Variants in LRBA observed in about 807,000 individuals in gnomAD.
LRBA encodes the protein LPS responsive beige-like anchor protein, also known as lipopolysaccharide-responsive and beige-like anchor protein.
A neutral mutation model predicts 330.0 loss-of-function variants in LRBA; 176 were observed. The ratio of observed to expected loss-of-function variants is 0.53; its 90% CI spans 0.47 to 0.60. The LOEUF (loss-of-function observed/expected upper bound fraction) is 0.60, where lower values mean the gene tolerates loss of function less well. LRBA is among the 20% of genes least tolerant of loss of function. The pLI is 0.00. For missense variants in LRBA, 3,259 were observed against 3,444.8 expected (o/e 0.95, Z 1.35); for synonymous variants, 1,230 against 1,193.0 (o/e 1.03, Z -0.64).
rs186014149 is a variant in LRBA at position 150,349,601 on chromosome 4, T to C, written c.7362+391A>G. ...CCATTAACTTCTATGTGGTTATATATGTTCTTAGGTATTACATATAAATAT... is the reference window on the plus strand; with the variant it reads ...CCATTAACTTCTATGTGGTTATATACGTTCTTAGGTATTACATATAAATAT... On this transcript the variant is annotated intron_variant, in intron 48 of 56. Coordinates refer to ENST00000651943, the MANE Select transcript of LRBA (RefSeq NM_001364905.1). Among the ~76,000 whole-genome samples the C allele has an allele frequency of 4.9e-4, 74 of 152,324 alleles. 1 individual carries two copies. The East Asian group carries it at 0.013, about 26-fold the overall frequency.
At chr4:150,728,108 A>G (rs1729945724) in intron 36 of LRBA, among the ~76,000 whole-genome samples, 2 of 152,202 alleles carry the variant, frequency 1.3e-5, no homozygotes, top group Admixed American at 6.5e-5. Context: ...TGGAAAATCT[A>G]GAAGAAATGG....
chr4:150,919,578 A>G (rs541466967), intron 5 of LRBA, among the ~76,000 whole-genome samples: 73 of 152,330 alleles, frequency 4.8e-4, no homozygotes, highest in Non-Finnish European at 8.7e-4. Flanking sequence ...CATTAATGCA[A>G]AAATGAACGT....
intron 51 of LRBA, chr4:150,314,666 C>T (rs1161584471): frequency 1.3e-5 from 2 of 152,148 alleles, no homozygotes; most frequent in African/African-American, 2.4e-5. Context: ...GATAGCATTA[C>T]ACCACAGGTA....
chr4:150,668,156 C>G (rs770912558), intron 37 of LRBA, among the ~76,000 whole-genome samples: 16 of 152,148 alleles, frequency 1.1e-4, no homozygotes, highest in Non-Finnish European at 2.1e-4. Flanking sequence ...ATATAAAAGG[C>G]AGTACACTAA....
chr4:150,722,312 T>C (rs1475548284), intron 36 of LRBA, among the ~76,000 whole-genome samples: 2 of 152,224 alleles, frequency 1.3e-5, no homozygotes, highest in Non-Finnish European at 2.9e-5. Context: ...AAGCCCCTTG[T>C]GGAAAAAGAA....
intron 48 of LRBA, 74 bp downstream of exon 48, chr4:150,349,918 G>C (rs1205877560): frequency 3.9e-6 from 5 of 1,271,428 alleles, no homozygotes; most frequent in Non-Finnish European, 5.6e-6. Context: ...CAAAGGATGG[G>C]GGAGGTGTTC....
At chr4:150,476,696 C>G (rs760919016) in intron 42 of LRBA, among the ~76,000 whole-genome samples, 3 of 152,134 alleles carry the variant, frequency 2.0e-5, no homozygotes, top group Non-Finnish European at 4.4e-5. Flanking sequence ...TGCCTGAAAA[C>G]AAGTGATAGG....
At chr4:150,400,158 T>C (rs1745276782) in intron 47 of LRBA, among the ~76,000 whole-genome samples, 1 of 152,178 alleles carries the variant, frequency 6.6e-6, no homozygotes, top group East Asian at 1.9e-4. Context: ...AGCAGGTAAA[T>C]TGTGAAGATC....
intron 40 of LRBA, among the ~76,000 whole-genome samples, chr4:150,542,911 T>G (rs1765461800): frequency 6.6e-6 from 1 of 152,154 alleles, no homozygotes. Flanking sequence ...TTAGATAGTC[T>G]GGTGGTACTA....
At chr4:150,598,706 T>C (rs950889395) in intron 38 of LRBA, among the ~76,000 whole-genome samples, 2 of 152,194 alleles carry the variant, frequency 1.3e-5, no homozygotes, top group African/African-American at 4.8e-5. Flanking sequence ...CCTCCTGGAT[T>C]CATTTACTCA....
chr4:150,658,923 T>G (rs545667931), intron 37 of LRBA, among the ~76,000 whole-genome samples: 4,243 of 36,418 alleles, frequency 0.12, 680 homozygotes, highest in African/African-American at 0.19. Context: ...TTCGCTGTGT[T>G]GGCCGGGCCG....
At chr4:150,499,416 G>A (rs1168472535) in intron 40 of LRBA, among the ~76,000 whole-genome samples, 2 of 152,130 alleles carry the variant, frequency 1.3e-5, no homozygotes, top group Non-Finnish European at 2.9e-5. Flanking sequence ...GCTGAGGCAG[G>A]AGGATCACTT....
intron 2 of LRBA, among the ~76,000 whole-genome samples, chr4:151,003,453 T>C (rs146535177): frequency 2.2e-4 from 30 of 136,540 alleles, no homozygotes; most frequent in African/African-American, 7.9e-4. Flanking sequence ...AAAAAGCCAA[T>C]AGTCAAAGGA....
intron 48 of LRBA, among the ~76,000 whole-genome samples, chr4:150,346,349 T>G (rs1736302812): frequency 6.6e-6 from 1 of 152,024 alleles, no homozygotes; most frequent in African/African-American, 2.4e-5. Flanking sequence ...GACTATCAGT[T>G]AAGGCTTAAT....
In LRBA at chr4:150,487,779, A is replaced by G. The variant is rs1185953257; in HGVS notation, c.6504T>C (p.Tyr2168=). ...DPATVKKVVN[Y]LPRVGVGTSF... Reference sequence around the variant, plus strand: ...TTGTTCCAACGCCAACACGAGGTAGATAGTTAACCACTTTCTTTACTGTTG... The same window carrying G: ...TTGTTCCAACGCCAACACGAGGTAGGTAGTTAACCACTTTCTTTACTGTTG... Residue 2168 remains tyrosine, a synonymous_variant, in exon 42 of 57, where the codon TAT becomes TAC. Coordinates refer to ENST00000651943, the MANE Select transcript of LRBA (RefSeq NM_001364905.1). 6 of 1,598,870 alleles carry G rather than the reference A, an allele frequency of 3.8e-6. No homozygotes were observed. Among genetic ancestry groups the G allele is most frequent in the Non-Finnish European group, 5.1e-6 (6 of 1,169,274 alleles).
chr4:150,815,619 T>C (rs957191727), intron 31 of LRBA, among the ~76,000 whole-genome samples: 5 of 151,902 alleles, frequency 3.3e-5, no homozygotes, highest in African/African-American at 4.8e-5. Flanking sequence ...CCATCGCAGC[T>C]TTTGGTTTCA....
chr4:150,756,936 CT>C (rs1406533741), intron 35 of LRBA, among the ~76,000 whole-genome samples: 1 of 152,078 alleles, frequency 6.6e-6, no homozygotes, highest in African/African-American at 2.4e-5. Context: ...AACAGAGGTG[CT>C]GATAATAATG....
intron 2 of LRBA, among the ~76,000 whole-genome samples, chr4:150,986,354 T>C (rs1741464414): frequency 6.6e-6 from 1 of 152,126 alleles, no homozygotes; most frequent in African/African-American, 2.4e-5. Flanking sequence ...GTGGTAGCAT[T>C]AGATTCTCAT....
At chr4:150,807,430 T>C (rs1434602725) in intron 32 of LRBA, among the ~76,000 whole-genome samples, 1 of 152,228 alleles carries the variant, frequency 6.6e-6, no homozygotes, top group Non-Finnish European at 1.5e-5. Flanking sequence ...ACATTTGTAG[T>C]GTCTAATGGA....
Sources: gnomAD v4.1 joint callset for allele counts (sites outside exome capture counted in the v4.1 genomes callset) on GRCh38, gnomAD v4.1.1 for gene constraint, MANE v1.5 for transcripts, NCBI Gene and HGNC (gene_info 2026-07-23, HGNC 2026-07-21) for gene names.